The following KDM5B variants were observed in gnomAD, a reference collection of about 807,000 sequenced individuals.
KDM5B encodes the protein lysine-specific demethylase 5B.
A neutral mutation model predicts 193.4 loss-of-function variants in KDM5B; 144 were observed. That is an observed-to-expected ratio of 0.74 (90% CI 0.65 to 0.86). KDM5B has a LOEUF of 0.86. Among genes scored for constraint, KDM5B ranks in the 40% least tolerant of loss-of-function variants. The pLI is 0.00. For synonymous variants in KDM5B, 668 were observed against 682.6 expected (o/e 0.98, Z 0.33); for missense variants, 1,833 against 1,886.9 (o/e 0.97, Z 0.53).
At position 202,741,506 on chromosome 1, in the gene KDM5B, C is replaced by A; in HGVS notation, c.2806G>T (p.Asp936Tyr). Reference sequence around the variant, plus strand: ...AGGTCTATGAGACGTCTCATATCATCTAAAGTAAGGGAGCTGGGGTCTAGG... The same window carrying A: ...AGGTCTATGAGACGTCTCATATCATATAAAGTAAGGGAGCTGGGGTCTAGG... ...ACLDPSSLTL[D>Y]DMRRLIDLGV... is the part of the protein sequence containing the mutation. Residue 936 changes from aspartate to tyrosine, a missense_variant, in exon 19 of 27, where the codon GAT becomes TAT. Physicochemically the swap from Asp to Tyr is radical, Grantham distance 160. This residue lies in a region of KDM5B where 1,379 missense variants were observed against 1,349.6 expected (regional missense o/e 1.02). Transcript: ENST00000367265. The A allele has an allele frequency of 6.2e-7, 1 of 1,614,238 alleles. No homozygotes were observed. Among genetic ancestry groups the A allele is most frequent in the Non-Finnish European group, 8.5e-7 (1 of 1,180,042 alleles).
intron 16 of KDM5B, among the ~76,000 whole-genome samples, chr1:202,743,731 C>T (rs542823875): frequency 6.6e-6 from 1 of 152,280 alleles, no homozygotes; most frequent in South Asian, 2.1e-4. Flanking sequence ...CTAACAAAAA[C>T]AAGCAATGGA....
chr1:202,738,642 C>T (rs1021870804), intron 20 of KDM5B, among the ~76,000 whole-genome samples: 2 of 152,042 alleles, frequency 1.3e-5, no homozygotes, highest in African/African-American at 4.8e-5. Context: ...AAAGCCAGAT[C>T]GTATTTTATT....
At position 202,756,301 on chromosome 1, in the gene KDM5B, G is replaced by C. The variant is rs1402617047; in HGVS notation, c.1356+57C>G. 2.1e-6 allele frequency: 3 copies of C among 1,424,478 alleles called. No homozygotes were observed. In the African/African-American group the frequency reaches 4.3e-5, roughly 20 times the overall value. 88.2% of individuals were successfully genotyped at this position (1,424,478 alleles called of 1,614,324 possible). A position where few individuals can be genotyped will look rare whatever the true frequency, so the allele number is the denominator to read the frequency against. The stretch of plus-strand genomic sequence containing the variant: ...TAAAAGTAATCATAAGTTACTTCAA[G>C]CCAACCAAACAGAATTTCAATAAAT... On this transcript the variant is annotated intron_variant, in intron 10 of 26. Transcript: ENST00000367265.
chr1:202,759,621 G>T (rs1656161301), intron 8 of KDM5B, among the ~76,000 whole-genome samples: 1 of 150,874 alleles, frequency 6.6e-6, no homozygotes, highest in Non-Finnish European at 1.5e-5. Flanking sequence ...ATGACAGCAT[G>T]CACTATTAAA....
intron 1 of KDM5B, among the ~76,000 whole-genome samples, chr1:202,795,789 C>G (rs1315337811): frequency 6.8e-6 from 1 of 146,200 alleles, no homozygotes; most frequent in Non-Finnish European, 1.5e-5. Context: ...TCCTAATTAA[C>G]TTTTTTTTTT....
intron 5 of KDM5B, among the ~76,000 whole-genome samples, chr1:202,765,600 A>G (rs1340580260): frequency 6.6e-6 from 1 of 152,212 alleles, no homozygotes; most frequent in Non-Finnish European, 1.5e-5. Context: ...TTTACTTTAA[A>G]CATGCTTATG....
At chr1:202,774,544 G>A (rs1656858385) in intron 3 of KDM5B, 69 bp downstream of exon 3, 2 of 1,471,222 alleles carry the variant, frequency 1.4e-6, no homozygotes, top group Admixed American at 1.8e-5. Context: ...TCCTTTTTAA[G>A]GCAAAGAAGA....
chr1:202,747,564 ATT>A lies in KDM5B; in HGVS notation c.2017-1243_2017-1242del, dbSNP rs67708616. Among the ~76,000 whole-genome samples, 975 of 129,716 alleles carry A rather than the reference ATT, an allele frequency of 7.5e-3. 13 individuals carry two copies. The highest frequency in any genetic ancestry group is 0.029 in the East Asian group (135 of 4,584). 85.1% of individuals were successfully genotyped at this position (129,716 alleles called of 152,430 possible). A position where few individuals can be genotyped will look rare whatever the true frequency, so the allele number is the denominator to read the frequency against. ...CAGGATTCTACCCAAAAAGGCACAT[ATT>A]TTTAAAAAAAAAAAAAAAAACAGTA... On this transcript the variant is annotated intron_variant, in intron 14 of 26. Coordinates refer to ENST00000367265, the MANE Select transcript of KDM5B (RefSeq NM_006618.5).
chr1:202,724,739 T>G lies in KDM5B; in HGVS notation c.*4297A>C, dbSNP rs1654618440. On this transcript the variant is annotated 3_prime_UTR_variant, in exon 27 of 27. Transcript: ENST00000367265. ...TGATCATACACAGAAGGGGCTTGTGTGTGTGTTTGTGTGTGTGTGTGTGTT... is the reference window on the plus strand; with the variant it reads ...TGATCATACACAGAAGGGGCTTGTGGGTGTGTTTGTGTGTGTGTGTGTGTT... 1 of 81,968 alleles carries G rather than the reference T, an allele frequency of 1.2e-5. No homozygotes were observed. Among genetic ancestry groups the G allele is most frequent in the Non-Finnish European group, 3.4e-5 (1 of 29,712 alleles). The allele number at this position is 81,968 out of a possible 1,614,324, so 5.1% of individuals were successfully genotyped here. A position where few individuals can be genotyped will look rare whatever the true frequency, so the allele number is the denominator to read the frequency against.
In KDM5B at chr1:202,742,375, A is replaced by G; in HGVS notation, c.2589+16T>C. 1 of 1,549,446 alleles carries G rather than the reference A, an allele frequency of 6.5e-7. No individual in the cohort carries two copies. The highest frequency in any genetic ancestry group is 8.9e-7 in the Non-Finnish European group (1 of 1,121,362). ...GGATTACCAAAGTATTCTCCCACAC[A>G]TCCCTCTATGGTTACCTTTAGTAAT... On this transcript the variant is annotated intron_variant, in intron 18 of 26. Transcript: ENST00000367265.
Position 202,733,729 on chromosome 1 carries a change from A to C in KDM5B, c.3581T>G (p.Leu1194Arg). The C allele has an allele frequency of 6.2e-7, 1 of 1,614,172 alleles. No individual in the cohort carries two copies. Among genetic ancestry groups the C allele is most frequent in the Non-Finnish European group, 8.5e-7 (1 of 1,180,014 alleles). Residue 1194 changes from leucine to arginine, a missense_variant, in exon 23 of 27, where the codon CTC becomes CGC. Leu to Arg is a moderately radical substitution (Grantham distance 102). Transcript: ENST00000367265. ...ACTGGTGTGGAAAGCATCCCTGCAGAGTTCACATTGAATCATAGGGGCAGC... is the reference window on the plus strand; with the variant it reads ...ACTGGTGTGGAAAGCATCCCTGCAGCGTTCACATTGAATCATAGGGGCAGC... ...APAAPMIQCE[L>R]CRDAFHTSCV...
chr1:202,792,774 T>C (rs939418837), intron 1 of KDM5B, among the ~76,000 whole-genome samples: 1 of 151,998 alleles, frequency 6.6e-6, no homozygotes, highest in African/African-American at 2.4e-5. Flanking sequence ...GGTGGGTGGA[T>C]CACGAGGTCA....
chr1:202,770,462 C>A (rs1656666483), intron 4 of KDM5B, among the ~76,000 whole-genome samples: 1 of 152,028 alleles, frequency 6.6e-6, no homozygotes. Flanking sequence ...TTCTTCAATT[C>A]TTCTCTCCCT....
chr1:202,807,107 G>C (rs1488358438), intron 1 of KDM5B: 1 of 152,328 alleles, frequency 6.6e-6, no homozygotes, highest in African/African-American at 2.4e-5. Context: ...GACAGGGCTG[G>C]AAGGGCTGCG....
chr1:202,782,469 G>A (rs1248900533), intron 1 of KDM5B, among the ~76,000 whole-genome samples: 1 of 152,098 alleles, frequency 6.6e-6, no homozygotes, highest in African/African-American at 2.4e-5. Flanking sequence ...CAAAGTGCCA[G>A]GATTACAGGT....
intron 12 of KDM5B, among the ~76,000 whole-genome samples, chr1:202,751,147 C>G (rs1313035731): frequency 6.6e-6 from 1 of 152,112 alleles, no homozygotes; most frequent in African/African-American, 2.4e-5. Context: ...TCAAGAATCT[C>G]ATAACATACA....
intron 5 of KDM5B, among the ~76,000 whole-genome samples, chr1:202,765,936 A>C (rs1456338302): frequency 6.6e-6 from 1 of 152,236 alleles, no homozygotes; most frequent in East Asian, 1.9e-4. Context: ...GAACGAGATC[A>C]CTAGAAAAAT....
intron 2 of KDM5B, chr1:202,776,249 A>ATTGACTTTT (rs1656950226): frequency 6.6e-6 from 1 of 152,084 alleles, no homozygotes; most frequent in South Asian, 2.1e-4. Flanking sequence ...AAAAATTTTA[A>ATTGACTTTT]TTGACTTTTT....
intron 23 of KDM5B, chr1:202,732,280 G>A (rs1342748098): frequency 2.5e-5 from 6 of 239,542 alleles, no homozygotes; most frequent in East Asian, 2.8e-4. Flanking sequence ...ATTAAAATAC[G>A]ATGAACACAT....
Sources: allele counts gnomAD v4.1 joint callset (sites outside exome capture counted in the v4.1 genomes callset), GRCh38; gene constraint gnomAD v4.1.1; regional missense constraint gnomAD v4.1.1; transcripts MANE v1.5; gene names NCBI Gene and HGNC (gene_info 2026-07-23, HGNC 2026-07-21).